Variants in MYO1D observed in about 807,000 individuals in gnomAD.
MYO1D encodes the protein unconventional myosin-Id.
A neutral mutation model predicts 122.0 loss-of-function variants in MYO1D; 83 were observed. The observed-to-expected ratio is 0.68, with a 90% CI of 0.57 to 0.82. The LOEUF is 0.82. MYO1D is among the 40% of genes least tolerant of loss of function. The probability of loss-of-function intolerance (pLI) is 0.00; values close to 1 mark genes in which losing one functional copy is unlikely to be tolerated. For synonymous variants in MYO1D, 464 were observed against 446.9 expected, an observed-to-expected ratio of 1.04 and a Z score of -0.48; for missense variants, 1,157 against 1,269.5, an observed-to-expected ratio of 0.91 and a Z score of 1.35.
chr17:32,736,845 AG>A (rs757280540), intron 14 of MYO1D, among the ~76,000 whole-genome samples: 22 of 152,358 alleles, frequency 1.4e-4, no homozygotes, highest in Non-Finnish European at 2.8e-4. Flanking sequence ...TGGATGAAGC[AG>A]GCTGCAGTTG....
intron 17 of MYO1D, among the ~76,000 whole-genome samples, chr17:32,656,486 G>C (rs1302097675): frequency 6.6e-6 from 1 of 152,140 alleles, no homozygotes; most frequent in Non-Finnish European, 1.5e-5. Context: ...GGCAGGGACT[G>C]GTAGCAAGGG....
chr17:32,564,240 T>C (rs1567891541), intron 21 of MYO1D, among the ~76,000 whole-genome samples: 1 of 152,154 alleles, frequency 6.6e-6, no homozygotes, highest in Non-Finnish European at 1.5e-5. Context: ...CCTTCATGAG[T>C]TGATCCATAT....
intron 14 of MYO1D, among the ~76,000 whole-genome samples, chr17:32,732,327 T>C (rs749177637): frequency 1.4e-4 from 22 of 152,142 alleles, no homozygotes; most frequent in Non-Finnish European, 1.9e-4. Flanking sequence ...TGAGAACTTA[T>C]AGTGCTTTTT....
intron 16 of MYO1D, among the ~76,000 whole-genome samples, chr17:32,681,401 T>C (rs2088915108): frequency 7.0e-6 from 1 of 142,948 alleles, no homozygotes; most frequent in Non-Finnish European, 1.5e-5. Flanking sequence ...TGCTATAAAT[T>C]TCCCTCTACA....
At chr17:32,581,384 G>A (rs779814577) in intron 21 of MYO1D, among the ~76,000 whole-genome samples, 32 of 151,516 alleles carry the variant, frequency 2.1e-4, no homozygotes, top group Admixed American at 6.6e-4. Context: ...ACTGATGTTT[G>A]CTATTGTTTT....
At chr17:32,814,923 G>GC (rs1161098959) in intron 1 of MYO1D, among the ~76,000 whole-genome samples, 16 of 152,296 alleles carry the variant, frequency 1.1e-4, no homozygotes, top group Middle Eastern at 6.8e-3. Flanking sequence ...GTTACGCTGC[G>GC]CATCAACAGC....
intron 1 of MYO1D, among the ~76,000 whole-genome samples, chr17:32,842,886 C>CTTTTTT (rs34927176): frequency 6.4e-4 from 67 of 104,442 alleles, no homozygotes; most frequent in Non-Finnish European, 1.0e-3. Context: ...CTATTTCTTT[C>CTTTTTT]TTTTTTTTTT....
intron 4 of MYO1D, among the ~76,000 whole-genome samples, chr17:32,773,556 G>A (rs952127961): frequency 1.1e-5 from 1 of 94,326 alleles, no homozygotes; most frequent in African/African-American, 4.3e-5. Flanking sequence ...CCCGGCCCAT[G>A]TCTCTACCCT....
chr17:32,821,903 G>A (rs1440575341), intron 1 of MYO1D, among the ~76,000 whole-genome samples: 1 of 152,128 alleles, frequency 6.6e-6, no homozygotes, highest in Non-Finnish European at 1.5e-5. Flanking sequence ...TGGAGAAATA[G>A]GAACACTTTT....
chr17:32,677,051 C>A (rs554407753), intron 16 of MYO1D, among the ~76,000 whole-genome samples: 8 of 152,130 alleles, frequency 5.3e-5, no homozygotes, highest in African/African-American at 1.9e-4. Context: ...ACTTCGTGAT[C>A]TGCCCGCTTC....
At chr17:32,790,919 C>A (rs537779600) in intron 1 of MYO1D, among the ~76,000 whole-genome samples, 1 of 152,274 alleles carries the variant, frequency 6.6e-6, no homozygotes, top group East Asian at 1.9e-4. Flanking sequence ...TGAAGAAAAG[C>A]GGATTCTATC....
intron 21 of MYO1D, among the ~76,000 whole-genome samples, chr17:32,522,255 A>G (rs1423453966): frequency 6.6e-6 from 1 of 152,208 alleles, no homozygotes. Flanking sequence ...GGATTATGAC[A>G]TAATTTGCTA....
intron 16 of MYO1D, among the ~76,000 whole-genome samples, chr17:32,700,899 A>T (rs1326204643): frequency 6.7e-6 from 1 of 150,092 alleles, no homozygotes; most frequent in Non-Finnish European, 1.5e-5. Flanking sequence ...AGCTGAGATC[A>T]CGCCATTGTA....
intron 14 of MYO1D, among the ~76,000 whole-genome samples, chr17:32,725,167 G>GA (rs981415608): frequency 2.6e-5 from 4 of 152,080 alleles, no homozygotes; most frequent in Non-Finnish European, 2.9e-5. Context: ...ACCTAGAACT[G>GA]AAAAATATAA....
At chr17:32,727,931 CA>C (rs2089595179) in intron 14 of MYO1D, among the ~76,000 whole-genome samples, 1 of 151,924 alleles carries the variant, frequency 6.6e-6, no homozygotes, top group South Asian at 2.1e-4. Context: ...GATTTCAAGG[CA>C]AAAAGCAATA....
Position 32,848,542 on chromosome 17 carries a change from C to T in MYO1D, c.95+28236G>A, listed in dbSNP as rs951371378. ...ACAAGTAGTTCTGTGGTAGTCAAGT[C>T]TCAGAATGATCAAGAAGACTAAATG... is the stretch of plus-strand genomic sequence containing the variant. On this transcript the variant is annotated intron_variant, in intron 1 of 21. Transcript: ENST00000318217. Among the ~76,000 whole-genome samples, 8 of 152,290 alleles carry T rather than the reference C, an allele frequency of 5.3e-5. No individual in the cohort carries two copies. In the South Asian group the frequency reaches 1.7e-3, roughly 32 times the overall value.
intron 16 of MYO1D, chr17:32,686,227 C>G (rs2089004277): frequency 6.6e-6 from 1 of 152,122 alleles, no homozygotes; most frequent in Admixed American, 6.5e-5. Flanking sequence ...ACCTTAAATG[C>G]AATCATATAT....
Position 32,877,001 on chromosome 17 carries a change from C to T in MYO1D, c.-129G>A. On this transcript the variant is annotated 5_prime_UTR_variant, in exon 1 of 22. Coordinates refer to ENST00000318217, the MANE Select transcript of MYO1D (RefSeq NM_015194.3). ...CTACGGGGAGGGGGCGCGCACGCCG[C>T]TCGGCGGGTCCGGGCCGGACAGAGG... The T allele has an allele frequency of 2.7e-6, 1 of 372,676 alleles. No individual in the cohort carries two copies. The highest frequency in any genetic ancestry group is 2.2e-5 in the African/African-American group (1 of 46,448). 23.1% of individuals were successfully genotyped at this position (372,676 alleles called of 1,614,324 possible).
intron 3 of MYO1D, among the ~76,000 whole-genome samples, chr17:32,776,891 A>T (rs951464808): frequency 2.6e-5 from 4 of 152,182 alleles, no homozygotes; most frequent in Non-Finnish European, 4.4e-5. Context: ...TTCTTCTTAT[A>T]CAGGCATACC....
Sources: allele counts gnomAD v4.1 joint callset (sites outside exome capture counted in the v4.1 genomes callset), GRCh38; gene constraint gnomAD v4.1.1; transcripts MANE v1.5; gene names NCBI Gene and HGNC (gene_info 2026-07-23, HGNC 2026-07-21).